Variants in CDH13 observed in about 807,000 individuals in gnomAD.
CDH13 encodes cadherin 13, also known as cadherin-13.
CDH13 carries 24 observed loss-of-function variants against 63.8 expected under a neutral mutation model. The ratio of observed to expected loss-of-function variants is 0.38; its 90% CI spans 0.27 to 0.53. The LOEUF is 0.53. Among genes scored for constraint, CDH13 ranks in the 20% least tolerant of loss-of-function variants. The probability of loss-of-function intolerance (pLI) is 0.85; values close to 1 mark genes in which losing one functional copy is unlikely to be tolerated. For missense variants in CDH13, 1,049 were observed against 903.1 expected (o/e 1.16, Z -2.07); for synonymous variants, 503 against 355.3 (o/e 1.42, Z -4.67).
At chr16:82,791,335 A>G (rs1382418880) in intron 1 of CDH13, among the ~76,000 whole-genome samples, 1 of 152,148 alleles carries the variant, frequency 6.6e-6, no homozygotes, top group Non-Finnish European at 1.5e-5. Context: ...ACACCCAACA[A>G]ATCAGGTTGT....
At chr16:83,708,174 A>G (rs534126057) in intron 10 of CDH13, among the ~76,000 whole-genome samples, 15 of 152,346 alleles carry the variant, frequency 9.8e-5, no homozygotes, top group African/African-American at 3.6e-4. Flanking sequence ...GGGAGAACCA[A>G]CACATCCCTG....
At chr16:82,705,789 T>A (rs1337236757) in intron 1 of CDH13, among the ~76,000 whole-genome samples, 3 of 152,208 alleles carry the variant, frequency 2.0e-5, no homozygotes. Flanking sequence ...TAGACTTGAT[T>A]GTGCTTCTCA....
intron 7 of CDH13, among the ~76,000 whole-genome samples, chr16:83,539,466 G>C (rs1186362361): frequency 6.6e-6 from 1 of 152,172 alleles, no homozygotes; most frequent in Admixed American, 6.6e-5. Context: ...CCCTGCCTTA[G>C]AACACAATTC....
intron 8 of CDH13, among the ~76,000 whole-genome samples, chr16:83,667,362 A>C (rs895188567): frequency 1.4e-4 from 22 of 152,122 alleles, no homozygotes; most frequent in African/African-American, 4.8e-4. Flanking sequence ...TCACTTATAC[A>C]TGGCCTAAAT....
chr16:83,675,176 T>C (rs916034960), intron 9 of CDH13, among the ~76,000 whole-genome samples: 2 of 152,138 alleles, frequency 1.3e-5, no homozygotes, highest in Non-Finnish European at 2.9e-5. Flanking sequence ...CAAAGCACAT[T>C]AGTAAGATTG....
At chr16:82,848,538 CTGATCAGTGACCTT>C (rs1167707249) in intron 1 of CDH13, among the ~76,000 whole-genome samples, 1 of 149,996 alleles carries the variant, frequency 6.7e-6, no homozygotes, top group Non-Finnish European at 1.5e-5. Flanking sequence ...TTGGTGATGT[CTGATCAGTGACCTT>C]TGATGTTACT....
intron 4 of CDH13, among the ~76,000 whole-genome samples, chr16:83,176,844 G>A (rs2038145840): frequency 6.6e-6 from 1 of 152,120 alleles, no homozygotes; most frequent in African/African-American, 2.4e-5. Flanking sequence ...TGTTGAGCCT[G>A]GGTCTTAAGT....
chr16:83,564,892 A>G (rs938620959), intron 7 of CDH13, among the ~76,000 whole-genome samples: 13 of 152,252 alleles, frequency 8.5e-5, no homozygotes, highest in Non-Finnish European at 4.4e-5. Context: ...CCTGCAGTAA[A>G]TGCTGTAAAC....
chr16:82,879,479 A>C (rs1180056325), intron 2 of CDH13, among the ~76,000 whole-genome samples: 2 of 145,132 alleles, frequency 1.4e-5, no homozygotes, highest in Non-Finnish European at 1.5e-5. Flanking sequence ...TAAATATAAA[A>C]TATATAATTT....
chr16:82,912,875 G>A (rs1184247784), intron 2 of CDH13, among the ~76,000 whole-genome samples: 10 of 151,798 alleles, frequency 6.6e-5, no homozygotes, highest in South Asian at 2.1e-4. Context: ...CCCGGGAGGC[G>A]GAGCTTGCAG....
At chr16:83,242,846 C>G (rs946116431) in intron 5 of CDH13, among the ~76,000 whole-genome samples, 6 of 152,208 alleles carry the variant, frequency 3.9e-5, no homozygotes, top group African/African-American at 1.4e-4. Flanking sequence ...CACTTTCTCA[C>G]TTCCCCTGAC....
chr16:83,720,475 G>A (rs1020651125), intron 10 of CDH13, among the ~76,000 whole-genome samples: 2 of 152,110 alleles, frequency 1.3e-5, no homozygotes, highest in Non-Finnish European at 2.9e-5. Context: ...TGGGCGTAAT[G>A]GCTCACGTTC....
At chr16:82,800,123 G>A (rs11863155) in intron 1 of CDH13, among the ~76,000 whole-genome samples, 150,030 of 152,314 alleles carry the variant, frequency 0.99, 73,928 homozygotes, top group Middle Eastern at 1. Flanking sequence ...ATATTTGTCT[G>A]TCTTGTCAAT....
chr16:83,059,206 A>G (rs549656849), intron 3 of CDH13, among the ~76,000 whole-genome samples: 3 of 152,286 alleles, frequency 2.0e-5, no homozygotes, highest in Non-Finnish European at 2.9e-5. Flanking sequence ...TGGGAACCCT[A>G]TGAAATGCTT....
intron 1 of CDH13, among the ~76,000 whole-genome samples, chr16:82,723,349 T>C (rs2032896354): frequency 6.6e-6 from 1 of 152,216 alleles, no homozygotes; most frequent in Non-Finnish European, 1.5e-5. Flanking sequence ...TGAACCTTTT[T>C]GTGGGGACTG....
At chr16:83,698,893 G>A (rs577177507) in intron 10 of CDH13, among the ~76,000 whole-genome samples, 37 of 152,370 alleles carry the variant, frequency 2.4e-4, no homozygotes, top group South Asian at 1.2e-3. Flanking sequence ...AGGCATGGCT[G>A]TGTTCCAATA....
At chr16:83,274,581 TC>T (rs758500066) in intron 5 of CDH13, among the ~76,000 whole-genome samples, 31 of 152,028 alleles carry the variant, frequency 2.0e-4, no homozygotes, top group Non-Finnish European at 4.3e-4. Context: ...ATTCTGTCTT[TC>T]CCCCCAGAGA....
At chr16:83,571,438 G>T (rs1302368418) in intron 7 of CDH13, among the ~76,000 whole-genome samples, 1 of 152,074 alleles carries the variant, frequency 6.6e-6, no homozygotes, top group African/African-American at 2.4e-5. Context: ...AAAGCAATAA[G>T]ATATTGATCC....
chr16:83,648,563 C>T (rs1243228820), intron 8 of CDH13, among the ~76,000 whole-genome samples: 6 of 152,150 alleles, frequency 3.9e-5, no homozygotes, highest in African/African-American at 1.4e-4. Flanking sequence ...GTGAGTTACA[C>T]TGGAGGCTTC....
Sources: allele counts gnomAD v4.1 joint callset (sites outside exome capture counted in the v4.1 genomes callset), GRCh38; gene constraint gnomAD v4.1.1; transcripts MANE v1.5; gene names NCBI Gene and HGNC (gene_info 2026-07-23, HGNC 2026-07-21).